KCNIP4: variants seen among roughly 807,000 people sequenced by gnomAD.
KCNIP4 encodes the protein potassium voltage-gated channel interacting protein 4, also known as Kv channel-interacting protein 4.
In KCNIP4, 12 loss-of-function variants were observed where a neutral mutation model predicts 34.0. The ratio of observed to expected loss-of-function variants is 0.35; its 90% confidence interval spans 0.23 to 0.57. KCNIP4 has a LOEUF of 0.57. Among genes scored for constraint, KCNIP4 ranks in the 20% least tolerant of loss-of-function variants. KCNIP4 has a pLI of 0.83. For synonymous variants in KCNIP4, 124 were observed against 102.2 expected (o/e 1.21, Z -1.29); for missense variants, 238 against 311.7 (o/e 0.76, Z 1.78).
At chr4:21,653,711 G>A (rs1747689755) in intron 1 of KCNIP4, among the ~76,000 whole-genome samples, 1 of 152,124 alleles carries the variant, frequency 6.6e-6, no homozygotes, top group African/African-American at 2.4e-5. Flanking sequence ...GCATTGTCCT[G>A]TTTAATCCTC....
At chr4:21,212,317 T>C (rs2108980390) in intron 1 of KCNIP4, among the ~76,000 whole-genome samples, 1 of 152,324 alleles carries the variant, frequency 6.6e-6, no homozygotes, top group Non-Finnish European at 1.5e-5. Context: ...TGTATTATTA[T>C]TACCACTTTT....
intron 1 of KCNIP4, 150 bp from the exon 2 acceptor site, chr4:20,882,859 G>A (rs200280667): frequency 1.6e-5 from 7 of 440,106 alleles, no homozygotes; most frequent in Non-Finnish European, 2.4e-5. Context: ...CCCCCGAAAG[G>A]AAAAAAAAAG....
intron 1 of KCNIP4, among the ~76,000 whole-genome samples, chr4:20,976,155 A>G (rs558826849): frequency 2.0e-5 from 3 of 152,302 alleles, no homozygotes; most frequent in African/African-American, 7.2e-5. Flanking sequence ...TACCTAACTC[A>G]ATGGTTCTCA....
At chr4:21,309,275 T>C (rs1334239618) in intron 1 of KCNIP4, among the ~76,000 whole-genome samples, 1 of 152,188 alleles carries the variant, frequency 6.6e-6, no homozygotes, top group Non-Finnish European at 1.5e-5. Flanking sequence ...TGAGTTGGCC[T>C]TCTCAAGACC....
chr4:21,429,630 C>T (rs941640490), intron 1 of KCNIP4, among the ~76,000 whole-genome samples: 1 of 152,208 alleles, frequency 6.6e-6, no homozygotes, highest in Non-Finnish European at 1.5e-5. Context: ...TGTTGCTCCA[C>T]ATCCTCAACA....
At chr4:20,965,685 T>C (rs1361474961) in intron 1 of KCNIP4, among the ~76,000 whole-genome samples, 1 of 152,186 alleles carries the variant, frequency 6.6e-6, no homozygotes, top group African/African-American at 2.4e-5. Context: ...TTGTAAAATG[T>C]GTGTATTTGA....
At chr4:20,787,973 T>A (rs1321740856) in intron 3 of KCNIP4, among the ~76,000 whole-genome samples, 2 of 152,146 alleles carry the variant, frequency 1.3e-5, no homozygotes, top group African/African-American at 4.8e-5. Context: ...TAGTTCTTTT[T>A]CTCCCTTATT....
At chr4:21,763,556 T>C (rs1270540739) in intron 1 of KCNIP4, among the ~76,000 whole-genome samples, 1 of 152,158 alleles carries the variant, frequency 6.6e-6, no homozygotes, top group Non-Finnish European at 1.5e-5. Context: ...GAGTGTCTTC[T>C]GAGAGCCAGG....
chr4:21,030,054 C>T (rs1027662278), intron 1 of KCNIP4, among the ~76,000 whole-genome samples: 6 of 152,158 alleles, frequency 3.9e-5, no homozygotes, highest in Non-Finnish European at 8.8e-5. Context: ...CCCAACCCTT[C>T]GGTCATGGAC....
intron 3 of KCNIP4, among the ~76,000 whole-genome samples, chr4:20,848,670 C>G (rs569295454): frequency 6.6e-6 from 1 of 152,154 alleles, no homozygotes; most frequent in East Asian, 1.9e-4. Flanking sequence ...AGACCCCAAA[C>G]AGAGAAACCC....
At chr4:20,923,762 T>A (rs1729633607) in intron 1 of KCNIP4, among the ~76,000 whole-genome samples, 1 of 152,196 alleles carries the variant, frequency 6.6e-6, no homozygotes, top group African/African-American at 2.4e-5. Context: ...TGTGACTTAT[T>A]TTCTCATGCT....
intron 1 of KCNIP4, among the ~76,000 whole-genome samples, chr4:21,577,491 C>G (rs764290444): frequency 1.3e-5 from 2 of 152,166 alleles, no homozygotes; most frequent in Non-Finnish European, 2.9e-5. Flanking sequence ...ATTAGGCAGG[C>G]ATTGTGGCAG....
intron 1 of KCNIP4, among the ~76,000 whole-genome samples, chr4:20,954,230 G>T (rs559846320): frequency 6.6e-6 from 1 of 152,186 alleles, no homozygotes; most frequent in African/African-American, 2.4e-5. Flanking sequence ...ACCTTCTAAG[G>T]TGTTCAAAAT....
intron 1 of KCNIP4, among the ~76,000 whole-genome samples, chr4:21,500,707 T>C (rs1460482): frequency 0.02 from 2,972 of 152,218 alleles, 97 homozygotes; most frequent in East Asian, 0.12. Context: ...TGTCATAAAT[T>C]CTATGTAAAA....
At chr4:21,454,215 C>G (rs576335201) in intron 1 of KCNIP4, among the ~76,000 whole-genome samples, 2 of 152,192 alleles carry the variant, frequency 1.3e-5, no homozygotes, top group South Asian at 4.1e-4. Context: ...TTCTCACAAT[C>G]TCCCAACAGT....
chr4:20,960,435 C>T (rs574328688), intron 1 of KCNIP4, among the ~76,000 whole-genome samples: 9 of 152,298 alleles, frequency 5.9e-5, no homozygotes, highest in African/African-American at 1.4e-4. Flanking sequence ...TTGCTGAAAA[C>T]GCCATTAGCT....
chr4:21,765,729 T>C (rs893761541), intron 1 of KCNIP4, among the ~76,000 whole-genome samples: 5 of 149,116 alleles, frequency 3.4e-5, no homozygotes, highest in Non-Finnish European at 5.9e-5. Flanking sequence ...GCCTCCCTAG[T>C]AGCTGGGATT....
chr4:21,210,968 T>C (rs1276657423), intron 1 of KCNIP4, among the ~76,000 whole-genome samples: 1 of 152,304 alleles, frequency 6.6e-6, no homozygotes, highest in African/African-American at 2.4e-5. Flanking sequence ...TTGAATTTTA[T>C]ACTTGAAAAA....
At chr4:20,842,084 T>C (rs1719795646) in intron 3 of KCNIP4, among the ~76,000 whole-genome samples, 1 of 152,178 alleles carries the variant, frequency 6.6e-6, no homozygotes, top group African/African-American at 2.4e-5. Flanking sequence ...GTTTGCTTTT[T>C]GCCCCTCTTT....
Sources: gnomAD v4.1 joint callset for allele counts (sites outside exome capture counted in the v4.1 genomes callset) on GRCh38, gnomAD v4.1.1 for gene constraint, MANE v1.5 for transcripts, NCBI Gene and HGNC (gene_info 2026-07-23, HGNC 2026-07-21) for gene names.